The following PUM1 variants were observed in gnomAD, a reference collection of about 807,000 sequenced individuals.
The protein encoded by PUM1 is pumilio RNA binding family member 1.
A neutral mutation model predicts 131.8 loss-of-function variants in PUM1; 13 were observed. The observed-to-expected ratio is 0.10, with a 90% CI of 0.06 to 0.16. PUM1 has a LOEUF of 0.16. Ranked by LOEUF, PUM1 falls within the 10% of genes least tolerant of loss-of-function variation. The probability of loss-of-function intolerance (pLI) is 1.00; values close to 1 mark genes in which losing one functional copy is unlikely to be tolerated. For missense variants in PUM1, 961 were observed against 1,512.4 expected (o/e 0.64, Z 6.05); for synonymous variants, 509 against 556.5 (o/e 0.91, Z 1.20).
intron 20 of PUM1, among the ~76,000 whole-genome samples, chr1:30,940,032 C>T (rs1040538834): frequency 1.8e-4 from 28 of 152,110 alleles, no homozygotes; most frequent in Admixed American, 6.5e-4. Flanking sequence ...TCCTGGCAAC[C>T]GGTCAAAAGG....
rs1638987164 is a variant in PUM1 at position 30,931,909 on chromosome 1, A to C, written c.*1302T>G. 1 of 152,564 alleles carries C rather than the reference A, an allele frequency of 6.6e-6. No homozygotes were observed. Among genetic ancestry groups the C allele is most frequent in the Non-Finnish European group, 1.5e-5 (1 of 68,022 alleles). The allele number at this position is 152,564 out of a possible 1,614,324, so 9.5% of individuals were successfully genotyped here. A position where few individuals can be genotyped will look rare whatever the true frequency, so the allele number is the denominator to read the frequency against. ...TTGACTGTCACAAAATCAAAACATT[A>C]CTTTTTTAGGATTAAAAAAACACTA... On this transcript the variant is annotated 3_prime_UTR_variant, in exon 22 of 22. Coordinates refer to ENST00000426105, the MANE Select transcript of PUM1 (RefSeq NM_001020658.2).
At chr1:31,057,684 C>G (rs1265089257) in intron 2 of PUM1, among the ~76,000 whole-genome samples, 2 of 142,154 alleles carry the variant, frequency 1.4e-5, no homozygotes, top group Admixed American at 1.4e-4. Context: ...GAGATTGTGC[C>G]ACTGCACTCC....
chr1:30,972,120 T>C (rs1389138391), intron 10 of PUM1, among the ~76,000 whole-genome samples: 2 of 150,140 alleles, frequency 1.3e-5, no homozygotes, highest in East Asian at 4.0e-4. Flanking sequence ...CCAGGTATGG[T>C]GGCACGTGCC....
At chr1:30,934,627 T>C (rs1037196664) in intron 21 of PUM1, among the ~76,000 whole-genome samples, 5 of 152,242 alleles carry the variant, frequency 3.3e-5, no homozygotes, top group Non-Finnish European at 7.3e-5. Flanking sequence ...TATGCAATAA[T>C]GCTATACTTT....
rs563873117 is a variant in PUM1 at position 31,006,922 on chromosome 1, A to G, written c.541+72T>C. The G allele has an allele frequency of 1.1e-4, 126 of 1,171,552 alleles. 1 individual carries two copies. In the Admixed American group the frequency reaches 2.4e-3, roughly 22 times the overall value. The allele number at this position is 1,171,552 out of a possible 1,614,324, so 72.6% of individuals were successfully genotyped here. On this transcript the variant is annotated intron_variant, in intron 4 of 21. Transcript: ENST00000426105. ...TTATGTCACTGATGTAAAATTCATG[A>G]CTTGCCAATTGCTGAGGAAAGGAGC...
Position 31,040,756 on chromosome 1 carries a change from A to C in PUM1, c.364-11892T>G, listed in dbSNP as rs147191457. ...ACCCTCATCTCTAAAACTAATAATA[A>C]ATTTAAAATAAAAATTTATTTTATC... On this transcript the variant is annotated intron_variant, in intron 2 of 21. Transcript: ENST00000426105. 8.1e-3 allele frequency among the ~76,000 whole-genome samples: 1,229 copies of C among 152,048 alleles called. 21 individuals carry two copies. Among genetic ancestry groups the C allele is most frequent in the African/African-American group, 0.028 (1,178 of 41,498 alleles).
chr1:30,997,484 G>T (rs1173178714), intron 5 of PUM1, among the ~76,000 whole-genome samples: 1 of 147,232 alleles, frequency 6.8e-6, no homozygotes, highest in Non-Finnish European at 1.5e-5. Context: ...GGCAACAAGA[G>T]TGAAACTCGT....
intron 7 of PUM1, among the ~76,000 whole-genome samples, chr1:30,988,978 T>C (rs1641671529): frequency 6.6e-6 from 1 of 152,160 alleles, no homozygotes; most frequent in African/African-American, 2.4e-5. Flanking sequence ...GTTAACTGAA[T>C]AATAAGAGTA....
chr1:30,973,952 G>A (rs953294814), intron 10 of PUM1, among the ~76,000 whole-genome samples: 1 of 152,132 alleles, frequency 6.6e-6, no homozygotes, highest in African/African-American at 2.4e-5. Context: ...GCTGGGCATG[G>A]TGTAGCGTGC....
At chr1:30,957,022 G>T (rs1170231446) in intron 14 of PUM1, among the ~76,000 whole-genome samples, 1 of 151,288 alleles carries the variant, frequency 6.6e-6, no homozygotes, top group East Asian at 1.9e-4. Context: ...CATTTACCGT[G>T]AAGTTTTGAT....
chr1:31,046,607 A>C (rs1205645289), intron 2 of PUM1, among the ~76,000 whole-genome samples: 2 of 149,606 alleles, frequency 1.3e-5, no homozygotes, highest in Non-Finnish European at 3.0e-5. Context: ...TCCGGGGTTC[A>C]AGCGATTCTC....
intron 6 of PUM1, among the ~76,000 whole-genome samples, chr1:30,994,843 C>T (rs1570231638): frequency 6.6e-6 from 1 of 152,206 alleles, no homozygotes; most frequent in African/African-American, 2.4e-5. Flanking sequence ...CAAAATCTAT[C>T]ATTTTGGCAA....
intron 3 of PUM1, among the ~76,000 whole-genome samples, chr1:31,024,164 T>TA (rs1356916800): frequency 3.3e-5 from 5 of 152,100 alleles, no homozygotes; most frequent in Admixed American, 3.3e-4. Flanking sequence ...TAGAAAAAAG[T>TA]AAGTGCAAAG....
intron 14 of PUM1, among the ~76,000 whole-genome samples, chr1:30,955,465 A>AG (rs547409659): frequency 9.2e-5 from 8 of 87,302 alleles, no homozygotes; most frequent in Admixed American, 2.3e-4. Context: ...ACTCCATCTG[A>AG]AAAAAAAAAA....
intron 14 of PUM1, among the ~76,000 whole-genome samples, chr1:30,962,397 C>T (rs1640451591): frequency 6.6e-6 from 1 of 152,050 alleles, no homozygotes; most frequent in African/African-American, 2.4e-5. Flanking sequence ...CAAGGAACCA[C>T]AGCTTTTTAT....
intron 2 of PUM1, among the ~76,000 whole-genome samples, chr1:31,038,264 C>CT (rs992677382): frequency 1.3e-5 from 2 of 151,412 alleles, no homozygotes; most frequent in Non-Finnish European, 2.9e-5. Context: ...CCAGGCATGC[C>CT]TACAGTGTTA....
intron 2 of PUM1, among the ~76,000 whole-genome samples, chr1:31,029,910 T>C (rs1407663671): frequency 1.2e-5 from 1 of 81,960 alleles, no homozygotes; most frequent in Admixed American, 1.2e-4. Context: ...GGAGATCCTT[T>C]TTCAAAAAAA....
intron 11 of PUM1, 124 bp from the exon 12 acceptor site, chr1:30,967,434 G>A (rs1640667529): frequency 3.6e-6 from 3 of 832,036 alleles, no homozygotes; most frequent in Non-Finnish European, 5.6e-6. Flanking sequence ...TTATATACTG[G>A]CTCCATCACT....
chr1:30,961,189 T>C (rs1007274388), intron 14 of PUM1, among the ~76,000 whole-genome samples: 2 of 150,984 alleles, frequency 1.3e-5, no homozygotes, highest in African/African-American at 4.9e-5. Flanking sequence ...TGAAACTCTA[T>C]CTCAAAAAAA....
Sources: allele counts gnomAD v4.1 joint callset (sites outside exome capture counted in the v4.1 genomes callset), GRCh38; gene constraint gnomAD v4.1.1; transcripts MANE v1.5; gene names NCBI Gene and HGNC (gene_info 2026-07-23, HGNC 2026-07-21).